The following ASPRV1 variants were observed in gnomAD, a reference collection of about 807,000 sequenced individuals.
ASPRV1 encodes aspartic peptidase retroviral like 1, also known as retroviral-like aspartic protease 1.
Under a neutral mutation model 11.0 loss-of-function variants are expected in ASPRV1, and 7 were observed. That is an observed-to-expected ratio of 0.64 (90% CI 0.36 to 1.20). The LOEUF (loss-of-function observed/expected upper bound fraction) is 1.20, where lower values mean the gene tolerates loss of function less well. Among genes scored for constraint, ASPRV1 ranks in the 50% most tolerant of loss-of-function variants. The pLI, the probability that ASPRV1 is intolerant of heterozygous loss-of-function variation, is 0.02. For missense variants in ASPRV1, 299 were observed against 320.0 expected (o/e 0.93, Z 0.50); for synonymous variants, 136 against 138.4 (o/e 0.98, Z 0.12).
chr2:70,005,318 C>T, the ASPRV1 span, among the ~76,000 whole-genome samples: 1 of 152,106 alleles, frequency 6.6e-6, no homozygotes, highest in African/African-American at 2.4e-5. Flanking sequence ...CCTTGGCCTC[C>T]CAAAGTGCTG....
chr2:69,954,431 T>C, the ASPRV1 span, among the ~76,000 whole-genome samples: 1 of 152,228 alleles, frequency 6.6e-6, no homozygotes, highest in South Asian at 2.1e-4. Flanking sequence ...CAGATACATT[T>C]GCATCGCAGA....
the ASPRV1 span, among the ~76,000 whole-genome samples, chr2:70,000,116 A>G: frequency 1.3e-5 from 2 of 152,220 alleles, no homozygotes; most frequent in South Asian, 2.1e-4. Context: ...GATTACATGG[A>G]TATTTTAGAT....
the ASPRV1 span, chr2:70,053,773 AAGTCCC>A: frequency 6.6e-6 from 1 of 152,110 alleles, no homozygotes; most frequent in Non-Finnish European, 1.5e-5. Flanking sequence ...TACGCATCTC[AAGTCCC>A]CAACACACTT....
chr2:69,968,619 T>C, the ASPRV1 span: 4 of 152,270 alleles, frequency 2.6e-5, no homozygotes, highest in Admixed American at 2.6e-4. Context: ...GAGGGTTTAT[T>C]TGAGTTTCTC....
chr2:69,996,824 T>C, the ASPRV1 span: 1 of 435,382 alleles, frequency 2.3e-6, no homozygotes, highest in Non-Finnish European at 4.6e-6. Flanking sequence ...CCGGAGGTGC[T>C]GTCTGAGAAT....
the ASPRV1 span, among the ~76,000 whole-genome samples, chr2:69,946,431 G>C: frequency 6.6e-6 from 1 of 152,194 alleles, no homozygotes; most frequent in Non-Finnish European, 1.5e-5. Context: ...GACCCGGTCT[G>C]TAGAGTGAGG....
the ASPRV1 span, among the ~76,000 whole-genome samples, chr2:70,033,359 T>G: frequency 4.0e-5 from 6 of 151,830 alleles, no homozygotes; most frequent in African/African-American, 1.2e-4. Context: ...CAGACTTTCC[T>G]GAAGGTATGA....
chr2:70,006,434 T>C, the ASPRV1 span, among the ~76,000 whole-genome samples: 2 of 152,032 alleles, frequency 1.3e-5, no homozygotes, highest in Non-Finnish European at 2.9e-5. Context: ...CTCTTGCAGA[T>C]GGAAAGAAAA....
chr2:70,023,213 T>C, the ASPRV1 span, among the ~76,000 whole-genome samples: 1 of 152,088 alleles, frequency 6.6e-6, no homozygotes, highest in African/African-American at 2.4e-5. Context: ...AGAAGAAAGA[T>C]GGGGGCGAGG....
chr2:70,077,800 A>G, the ASPRV1 span, among the ~76,000 whole-genome samples: 1 of 151,828 alleles, frequency 6.6e-6, no homozygotes, highest in Non-Finnish European at 1.5e-5. Flanking sequence ...GGTTGCAATG[A>G]GCTGAGACGA....
chr2:69,938,125 G>A, the ASPRV1 span: 42 of 1,614,084 alleles, frequency 2.6e-5, no homozygotes, highest in Middle Eastern at 1.6e-4. Context: ...TGGAGAGCAC[G>A]GACTATCTCA....
the ASPRV1 span, among the ~76,000 whole-genome samples, chr2:69,946,197 C>G: frequency 2.0e-5 from 3 of 152,200 alleles, no homozygotes. Context: ...GCGGAAAAAA[C>G]CATTGCTGTG....
chr2:70,031,307 G>T, the ASPRV1 span: 2 of 152,112 alleles, frequency 1.3e-5, no homozygotes, highest in Admixed American at 1.3e-4. Flanking sequence ...TTTGCAAGGA[G>T]AACTATATAA....
At chr2:69,947,090 C>A in the ASPRV1 span, among the ~76,000 whole-genome samples, 1 of 152,204 alleles carries the variant, frequency 6.6e-6, no homozygotes, top group East Asian at 1.9e-4. Flanking sequence ...CAGACGGGGA[C>A]AACTCCACAC....
At position 69,961,206 on chromosome 2, in the gene ASPRV1, A is replaced by G. The variant is rs1379340511; in HGVS notation, c.231T>C (p.Tyr77=). The part of the protein sequence containing the change: ...NRLSPQDQGD[Y]GTVKEALLKA... ...TCAGGAGGGCCTCTTTCACAGTCCC[A>G]TAGTCTCCCTGGTCCTGGGGACTGA... Residue 77 remains tyrosine, a synonymous_variant, in exon 1 of 1, where the codon TAT becomes TAC. Coordinates refer to ENST00000320256, the MANE Select transcript of ASPRV1 (RefSeq NM_152792.4). The G allele has an allele frequency of 6.2e-7, 1 of 1,614,060 alleles. No homozygotes were observed. Among genetic ancestry groups the G allele is most frequent in the South Asian group, 1.1e-5 (1 of 91,076 alleles).
chr2:70,004,104 G>A, the ASPRV1 span, among the ~76,000 whole-genome samples: 33 of 152,244 alleles, frequency 2.2e-4, no homozygotes, highest in African/African-American at 7.2e-4. Flanking sequence ...TGCCACAAAC[G>A]GAGTCTTCTA....
the ASPRV1 span, among the ~76,000 whole-genome samples, chr2:69,969,400 G>C: frequency 6.6e-6 from 1 of 152,128 alleles, no homozygotes; most frequent in Non-Finnish European, 1.5e-5. Flanking sequence ...CAGCCTCAAG[G>C]ACTCTGGCCT....
the ASPRV1 span, among the ~76,000 whole-genome samples, chr2:70,024,629 T>A: frequency 6.6e-6 from 1 of 152,022 alleles, no homozygotes; most frequent in South Asian, 2.1e-4. Context: ...TCTCCTCACT[T>A]CTTCTCCCTC....
chr2:69,936,155 G>C, the ASPRV1 span, among the ~76,000 whole-genome samples: 3 of 152,114 alleles, frequency 2.0e-5, no homozygotes, highest in Admixed American at 2.0e-4. Context: ...TTATTCTTCA[G>C]ATCACAGTGC....
Sources: allele counts gnomAD v4.1 joint callset (sites outside exome capture counted in the v4.1 genomes callset), GRCh38; gene constraint gnomAD v4.1.1; transcripts MANE v1.5; gene names NCBI Gene and HGNC (gene_info 2026-07-23, HGNC 2026-07-21).